OSBPL9: variants seen among roughly 807,000 people sequenced by gnomAD.
OSBPL9 encodes the protein oxysterol-binding protein-related protein 9.
A neutral mutation model predicts 106.6 loss-of-function variants in OSBPL9; 40 were observed. The ratio of observed to expected loss-of-function variants is 0.38; its 90% confidence interval spans 0.29 to 0.49. The LOEUF (loss-of-function observed/expected upper bound fraction) is 0.49, where lower values mean the gene tolerates loss of function less well. OSBPL9 is among the 20% of genes least tolerant of loss of function. OSBPL9 has a pLI of 0.97. For missense variants in OSBPL9, 609 were observed against 887.2 expected, an observed-to-expected ratio of 0.69 and a Z score of 3.98; for synonymous variants, 269 against 295.4, an observed-to-expected ratio of 0.91 and a Z score of 0.92.
chr1:51,786,686 C>T, intron 22 of OSBPL9, 69 bp downstream of exon 22: 1 of 1,341,170 alleles, frequency 7.5e-7, no homozygotes, highest in Non-Finnish European at 1.1e-6. Context: ...AGGCACAGGG[C>T]TGGGTTTGAG....
At chr1:51,555,882 G>A in the OSBPL9 span, among the ~76,000 whole-genome samples, 4 of 152,220 alleles carry the variant, frequency 2.6e-5, no homozygotes, top group African/African-American at 9.6e-5. Context: ...GATTCTATAC[G>A]ATGCAGATCA....
At chr1:51,532,906 A>C in the OSBPL9 span, among the ~76,000 whole-genome samples, 1 of 152,156 alleles carries the variant, frequency 6.6e-6, no homozygotes, top group African/African-American at 2.4e-5. Flanking sequence ...GGAAGGAGTG[A>C]GCTGAGAAAC....
chr1:51,609,934 A>G (rs1419787507), intron 2 of OSBPL9, among the ~76,000 whole-genome samples: 1 of 151,598 alleles, frequency 6.6e-6, no homozygotes. Flanking sequence ...TCTTTAGTAG[A>G]GATGGGGTTT....
the OSBPL9 span, among the ~76,000 whole-genome samples, chr1:51,571,583 T>C: frequency 6.6e-6 from 1 of 152,016 alleles, no homozygotes; most frequent in Non-Finnish European, 1.5e-5. Flanking sequence ...GGGAGAAGCA[T>C]TTGGGCCCAG....
At chr1:51,606,391 C>T (rs747058528) in intron 2 of OSBPL9, among the ~76,000 whole-genome samples, 1 of 152,226 alleles carries the variant, frequency 6.6e-6, no homozygotes, top group African/African-American at 2.4e-5. Flanking sequence ...TTGCTGTTTA[C>T]TGAAGGCCAC....
At chr1:51,696,733 C>T (rs1056009369) in intron 3 of OSBPL9, among the ~76,000 whole-genome samples, 1 of 152,196 alleles carries the variant, frequency 6.6e-6, no homozygotes, top group African/African-American at 2.4e-5. Flanking sequence ...AAAAGACTCT[C>T]CTAGGTAACA....
Position 51,608,681 on chromosome 1 carries a change from G to C in OSBPL9, c.-352-5624G>C, listed in dbSNP as rs548560778. Among the ~76,000 whole-genome samples, 148 of 151,808 alleles carry C rather than the reference G, an allele frequency of 9.7e-4. 1 individual carries two copies. The highest frequency in any genetic ancestry group is 1.3e-3 in the Admixed American group (20 of 15,238). On this transcript the variant is annotated intron_variant, in intron 2 of 25. Coordinates refer to the OSBPL9 transcript ENST00000371714. ...GGTCACCTGACATTCCTGGATTGGG[G>C]GGGGGGGCTTTCCTGCCCTGCTCTT... is the stretch of plus-strand genomic sequence containing the variant.
chr1:51,659,221 A>G (rs1646994108), intron 2 of OSBPL9, among the ~76,000 whole-genome samples: 1 of 152,180 alleles, frequency 6.6e-6, no homozygotes, highest in Non-Finnish European at 1.5e-5. Context: ...CCAAAGACGC[A>G]GTATCACATA....
At chr1:51,732,703 C>T (rs769167494) in intron 4 of OSBPL9, among the ~76,000 whole-genome samples, 1 of 152,344 alleles carries the variant, frequency 6.6e-6, no homozygotes, top group Non-Finnish European at 1.5e-5. Context: ...GCAAGGCTTT[C>T]TGACTAGTCT....
At chr1:51,559,003 G>T in the OSBPL9 span, among the ~76,000 whole-genome samples, 1 of 152,166 alleles carries the variant, frequency 6.6e-6, no homozygotes, top group African/African-American at 2.4e-5. Flanking sequence ...TAAAAACAAT[G>T]CAGTCACTTC....
intron 11 of OSBPL9, among the ~76,000 whole-genome samples, chr1:51,762,679 T>C (rs1671774883): frequency 6.6e-6 from 1 of 152,362 alleles, no homozygotes; most frequent in South Asian, 2.1e-4. Context: ...TATACACTTA[T>C]GTCGTGTATT....
the OSBPL9 span, among the ~76,000 whole-genome samples, chr1:51,523,160 A>G: frequency 3.6e-4 from 55 of 152,316 alleles, no homozygotes; most frequent in African/African-American, 1.3e-3. Flanking sequence ...AACAACTGAC[A>G]TATCCCTGTC....
chr1:51,575,241 C>T (rs1301361506), upstream of OSBPL9, among the ~76,000 whole-genome samples: 1 of 152,138 alleles, frequency 6.6e-6, no homozygotes, highest in African/African-American at 2.4e-5. Context: ...TGCTCTGTCT[C>T]CCAGGCTGGA....
At chr1:51,737,165 A>G (rs1490324401) in intron 4 of OSBPL9, among the ~76,000 whole-genome samples, 1 of 152,016 alleles carries the variant, frequency 6.6e-6, no homozygotes, top group Non-Finnish European at 1.5e-5. Flanking sequence ...CCTTTAAATG[A>G]TATTATAAAT....
chr1:51,789,099 A>AAAG lies in OSBPL9; in HGVS notation c.*1311_*1313dup, dbSNP rs1228710341. ...GTTTATTAGTCTCAACAAAGGATAA[A>AAAG]AAGTAAATCAAATGCTATGATGCCA... On this transcript the variant is annotated 3_prime_UTR_variant, in exon 24 of 24. Transcript: ENST00000428468. 10 of 827,934 alleles carry AAAG rather than the reference A, an allele frequency of 1.2e-5. No homozygotes were observed. Among genetic ancestry groups the AAAG allele is most frequent in the East Asian group, 2.6e-5 (1 of 37,924 alleles). 51.3% of individuals were successfully genotyped at this position (827,934 alleles called of 1,614,324 possible).
At chr1:51,682,615 A>G (rs11205880) in intron 3 of OSBPL9, among the ~76,000 whole-genome samples, 30,482 of 151,750 alleles carry the variant, frequency 0.2, 4,000 homozygotes, top group African/African-American at 0.36. Flanking sequence ...AAAATTAGCC[A>G]GGCCTGGTGG....
At chr1:51,649,453 G>A (rs1432207909) in intron 1 of OSBPL9, among the ~76,000 whole-genome samples, 1 of 152,110 alleles carries the variant, frequency 6.6e-6, no homozygotes, top group Non-Finnish European at 1.5e-5. Flanking sequence ...CTGTGCTCTT[G>A]TCTGTACATC....
At chr1:51,623,565 G>T (rs1644573161) in intron 1 of OSBPL9, among the ~76,000 whole-genome samples, 1 of 152,228 alleles carries the variant, frequency 6.6e-6, no homozygotes, top group African/African-American at 2.4e-5. Context: ...GATATTCCTT[G>T]TAAAAGGAGT....
At chr1:51,570,174 C>G in the OSBPL9 span, among the ~76,000 whole-genome samples, 1 of 152,196 alleles carries the variant, frequency 6.6e-6, no homozygotes, top group East Asian at 1.9e-4. Context: ...GTAGAAAGAG[C>G]CCCTGCACTT....
Sources: allele counts gnomAD v4.1 joint callset (sites outside exome capture counted in the v4.1 genomes callset), GRCh38; gene constraint gnomAD v4.1.1; transcripts MANE v1.5; gene names NCBI Gene and HGNC (gene_info 2026-07-23, HGNC 2026-07-21).